The following ALDH9A1 variants were observed in gnomAD, a reference collection of about 807,000 sequenced individuals.
The protein encoded by ALDH9A1 is 4-trimethylaminobutyraldehyde dehydrogenase.
In ALDH9A1, 42 loss-of-function variants were observed where a neutral mutation model predicts 56.6. The observed-to-expected ratio is 0.74, with a 90% confidence interval of 0.58 to 0.96. The LOEUF is 0.96. ALDH9A1 is among the 40% of genes least tolerant of loss of function. The pLI, the probability that ALDH9A1 is intolerant of heterozygous loss-of-function variation, is 0.00. For synonymous variants in ALDH9A1, 242 were observed against 236.0 expected (o/e 1.03, Z -0.23); for missense variants, 661 against 651.5 (o/e 1.01, Z -0.16).
chr1:165,666,329 G>C (rs1425491680), intron 9 of ALDH9A1, among the ~76,000 whole-genome samples: 1 of 152,024 alleles, frequency 6.6e-6, no homozygotes, highest in Non-Finnish European at 1.5e-5. Flanking sequence ...ATAGATTATG[G>C]TGATGGTTGC....
At chr1:165,691,759 C>T (rs1485253666) in intron 2 of ALDH9A1, among the ~76,000 whole-genome samples, 1 of 151,834 alleles carries the variant, frequency 6.6e-6, no homozygotes. Flanking sequence ...GATACCAAGA[C>T]ATAACAAAAA....
At position 165,669,523 on chromosome 1, in the gene ALDH9A1, A is replaced by G; in HGVS notation, c.931-73T>C. ...AAAGGGAAAAGGAAAAATGAACACA[A>G]TCTAAAAACTTTAAACTGAAAAGAG... is the stretch of plus-strand genomic sequence containing the variant. On this transcript the variant is annotated intron_variant, in intron 6 of 10. Coordinates refer to ENST00000354775, the MANE Select transcript of ALDH9A1 (RefSeq NM_000696.4). 8.3e-6 allele frequency: 11 copies of G among 1,324,114 alleles called. No individual in the cohort carries two copies. In the South Asian group the frequency reaches 1.6e-4, roughly 19 times the overall value. The allele number at this position is 1,324,114 out of a possible 1,614,324, so 82.0% of individuals were successfully genotyped here.
At position 165,667,393 on chromosome 1, in the gene ALDH9A1, G is replaced by C. The variant is rs748552899; in HGVS notation, c.1265C>G (p.Ser422Cys). Residue 422 changes from serine (S) to cysteine (C), a missense_variant, in exon 9 of 11, where the codon TCC becomes TGC. Ser to Cys is a moderately radical substitution (Grantham distance 112, BLOSUM62 -1). Coordinates refer to ENST00000354775, the MANE Select transcript of ALDH9A1 (RefSeq NM_000696.4). ...VKEEIFGPVM[S>C]ILSFDTEAEV... Reference sequence around the variant, plus strand: ...AGCTTCAGTGTCAAATGATAAAATGGACATAACAGGCCCAAAGATCTCTTC... The same window carrying C: ...AGCTTCAGTGTCAAATGATAAAATGCACATAACAGGCCCAAAGATCTCTTC... 6.2e-7 allele frequency: 1 copy of C among 1,614,078 alleles called. No homozygotes were observed. The highest frequency in any genetic ancestry group is 1.1e-5 in the South Asian group (1 of 91,084).
At chr1:165,680,369 A>G in intron 5 of ALDH9A1, 118 bp downstream of exon 5, 1 of 1,087,792 alleles carries the variant, frequency 9.2e-7, no homozygotes, top group East Asian at 2.4e-5. Flanking sequence ...TCTCCTTCCC[A>G]TTCCCAATTC....
intron 2 of ALDH9A1, among the ~76,000 whole-genome samples, chr1:165,686,511 T>A (rs1649713001): frequency 4.0e-5 from 5 of 124,814 alleles, no homozygotes. Context: ...GAAAATGTTT[T>A]TTTTTTTAAA....
intron 1 of ALDH9A1, among the ~76,000 whole-genome samples, chr1:165,696,339 T>C (rs1011748470): frequency 6.6e-6 from 1 of 152,206 alleles, no homozygotes; most frequent in Admixed American, 6.5e-5. Context: ...TTGAGTTTAC[T>C]AACATTAACT....
At chr1:165,690,725 C>T (rs992377946) in intron 2 of ALDH9A1, among the ~76,000 whole-genome samples, 1 of 152,206 alleles carries the variant, frequency 6.6e-6, no homozygotes, top group African/African-American at 2.4e-5. Context: ...GCAGCTGGCT[C>T]GGCGGGTCCC....
Position 165,667,421 on chromosome 1 carries a change from TCACA to T in ALDH9A1, c.1233_1236del (p.Cys411Ter). On this transcript the variant is annotated frameshift_variant, in exon 9 of 11. Transcript: ENST00000354775. LOFTEE classifies it high-confidence loss of function. ...ATAACAGGCCCAAAGATCTCTTCCTTCACACAGGTCATGTCGTCTCTGCAATTAG... is the reference window on the plus strand; with the variant it reads ...ATAACAGGCCCAAAGATCTCTTCCTTCAGGTCATGTCGTCTCTGCAATTAG... The T allele has an allele frequency of 6.2e-7, 1 of 1,614,046 alleles. No homozygotes were observed. The highest frequency in any genetic ancestry group is 8.5e-7 in the Non-Finnish European group (1 of 1,179,968).
Position 165,692,489 on chromosome 1 carries a change from C to T in ALDH9A1, c.327+2763G>A, listed in dbSNP as rs77214116. ...ATTGCTTCAAAGAGAATAAAATACCCAGGAATCCAACTTACAAGGGATGTG... is the reference window on the plus strand; with the variant it reads ...ATTGCTTCAAAGAGAATAAAATACCTAGGAATCCAACTTACAAGGGATGTG... On this transcript the variant is annotated intron_variant, in intron 2 of 10. Coordinates refer to ENST00000354775, the MANE Select transcript of ALDH9A1 (RefSeq NM_000696.4). Among the ~76,000 whole-genome samples the T allele has an allele frequency of 8.0e-3, 1,212 of 152,140 alleles. 8 individuals are homozygous for T. Among genetic ancestry groups the T allele is most frequent in the Middle Eastern group, 0.027 (8 of 294 alleles).
chr1:165,681,977 G>C (rs1017631838), intron 4 of ALDH9A1, 130 bp downstream of exon 4: 65 of 1,270,026 alleles, frequency 5.1e-5, no homozygotes, highest in Non-Finnish European at 6.8e-5. Flanking sequence ...CTGAGGCTTT[G>C]AATATCCCAG....
Position 165,687,311 on chromosome 1 carries a change from G to C in ALDH9A1, c.328-4201C>G, listed in dbSNP as rs541304463. On this transcript the variant is annotated intron_variant, in intron 2 of 10. Coordinates refer to ENST00000354775, the MANE Select transcript of ALDH9A1 (RefSeq NM_000696.4). ...AGAGGGGGCAAAAAAAAAAACTAAAGAAATCATGGCCAAATTTTTTTTCCA... is the reference window on the plus strand; with the variant it reads ...AGAGGGGGCAAAAAAAAAAACTAAACAAATCATGGCCAAATTTTTTTTCCA... Among the ~76,000 whole-genome samples the C allele has an allele frequency of 7.3e-5, 11 of 150,036 alleles. No homozygotes were observed. The South Asian group carries it at 2.3e-3, about 32-fold the overall frequency.
Position 165,673,187 on chromosome 1 carries a change from G to A in ALDH9A1, c.931-3737C>T, listed in dbSNP as rs951512259. Among the ~76,000 whole-genome samples, 4 of 149,934 alleles carry A rather than the reference G, an allele frequency of 2.7e-5. No homozygotes were observed. The East Asian group carries it at 5.9e-4, about 22-fold the overall frequency. On this transcript the variant is annotated intron_variant, in intron 6 of 10. Coordinates refer to ENST00000354775, the MANE Select transcript of ALDH9A1 (RefSeq NM_000696.4). ...CCAGAAACATACAAATGGCCAACAAGTTTATGAAAAGATGCTCCACATCAC... is the reference window on the plus strand; with the variant it reads ...CCAGAAACATACAAATGGCCAACAAATTTATGAAAAGATGCTCCACATCAC...
rs1649232968 is a variant in ALDH9A1 at position 165,673,063 on chromosome 1, AT to A, written c.931-3614del. On this transcript the variant is annotated intron_variant, in intron 6 of 10. Transcript: ENST00000354775. Reference sequence around the variant, plus strand: ...TAGGCTTTACCATACACACAAAAAAATCATCACAATATATAAGGAACTCACA... The same window carrying A: ...TAGGCTTTACCATACACACAAAAAAACATCACAATATATAAGGAACTCACA... Among the ~76,000 whole-genome samples, 4 of 151,260 alleles carry A rather than the reference AT, an allele frequency of 2.6e-5. No individual in the cohort carries two copies. In the South Asian group the frequency reaches 8.4e-4, roughly 32 times the overall value.
At chr1:165,695,163 C>T in intron 2 of ALDH9A1, 89 bp downstream of exon 2, 1 of 1,400,374 alleles carries the variant, frequency 7.1e-7, no homozygotes, top group Non-Finnish European at 9.6e-7. Context: ...ACGTTACGGC[C>T]TAATGTTGCA....
chr1:165,680,969 G>A (rs1181054994), intron 4 of ALDH9A1, among the ~76,000 whole-genome samples: 1 of 152,152 alleles, frequency 6.6e-6, no homozygotes, highest in Non-Finnish European at 1.5e-5. Flanking sequence ...TACATTGGCG[G>A]CAGGAGAAAA....
intron 6 of ALDH9A1, among the ~76,000 whole-genome samples, chr1:165,670,239 C>A (rs543171175): frequency 6.6e-6 from 1 of 152,244 alleles, no homozygotes; most frequent in East Asian, 1.9e-4. Context: ...CCAAAATCAG[C>A]TGGGGCAACA....
chr1:165,696,817 G>GC (rs1450758392), intron 1 of ALDH9A1, among the ~76,000 whole-genome samples: 1 of 152,180 alleles, frequency 6.6e-6, no homozygotes, highest in African/African-American at 2.4e-5. Flanking sequence ...TGGTAAAGGC[G>GC]GTGGCTGAGG....
At chr1:165,668,810 G>T in intron 8 of ALDH9A1, 116 bp downstream of exon 8, 1 of 772,432 alleles carries the variant, frequency 1.3e-6, no homozygotes, top group South Asian at 1.9e-5. Context: ...TGGGTAGTAG[G>T]ACCACATAAT....
intron 2 of ALDH9A1, among the ~76,000 whole-genome samples, chr1:165,685,521 A>T (rs1429076226): frequency 2.0e-5 from 3 of 152,262 alleles, no homozygotes. Flanking sequence ...AAATTACAGT[A>T]CAGACCACTA....
Sources: allele counts gnomAD v4.1 joint callset (sites outside exome capture counted in the v4.1 genomes callset), GRCh38; gene constraint gnomAD v4.1.1; transcripts MANE v1.5; gene names NCBI Gene and HGNC (gene_info 2026-07-23, HGNC 2026-07-21).